PIGU: variants seen among roughly 807,000 people sequenced by gnomAD.
The protein encoded by PIGU is phosphatidylinositol glycan anchor biosynthesis class U.
Under a neutral mutation model 49.9 loss-of-function variants are expected in PIGU, and 24 were observed. The observed-to-expected ratio is 0.48, with a 90% CI of 0.35 to 0.68. The LOEUF (loss-of-function observed/expected upper bound fraction) is 0.68, where lower values mean the gene tolerates loss of function less well. PIGU is among the 30% of genes least tolerant of loss of function. The pLI is 0.01. For missense variants in PIGU, 490 were observed against 532.6 expected, an observed-to-expected ratio of 0.92 and a Z score of 0.79; for synonymous variants, 220 against 205.7, an observed-to-expected ratio of 1.07 and a Z score of -0.59.
intron 2 of PIGU, among the ~76,000 whole-genome samples, chr20:34,645,769 C>T (rs760469479): frequency 1.2e-4 from 18 of 152,008 alleles, no homozygotes; most frequent in East Asian, 7.7e-4. Context: ...TGGTGGCGGG[C>T]GCCTGTAGTC....
chr20:34,629,802 T>C (rs1293179070), intron 6 of PIGU, among the ~76,000 whole-genome samples: 1 of 152,210 alleles, frequency 6.6e-6, no homozygotes, highest in East Asian at 1.9e-4. Context: ...ATTGATCACA[T>C]GTGTTTATCA....
chr20:34,564,914 C>T (rs963400591), intron 11 of PIGU, among the ~76,000 whole-genome samples: 1 of 152,240 alleles, frequency 6.6e-6, no homozygotes, highest in Admixed American at 6.5e-5. Context: ...CCTGAGTGAG[C>T]ACCCTGCCCC....
chr20:34,605,248 T>C (rs192224873), intron 7 of PIGU, among the ~76,000 whole-genome samples: 4 of 152,328 alleles, frequency 2.6e-5, no homozygotes, highest in Non-Finnish European at 4.4e-5. Flanking sequence ...ACCATTCTCA[T>C]AAGTGATTCA....
At chr20:34,567,311 A>C (rs1982814829) in intron 11 of PIGU, among the ~76,000 whole-genome samples, 4 of 151,976 alleles carry the variant, frequency 2.6e-5, no homozygotes, top group Admixed American at 2.6e-4. Context: ...AGAAAACTCC[A>C]CCCTCCAGCT....
At chr20:34,580,015 A>G (rs1983395075) in intron 10 of PIGU, among the ~76,000 whole-genome samples, 1 of 152,208 alleles carries the variant, frequency 6.6e-6, no homozygotes, top group Admixed American at 6.5e-5. Flanking sequence ...AGAAAGGTTA[A>G]ATGATGTGCC....
intron 7 of PIGU, among the ~76,000 whole-genome samples, chr20:34,603,174 T>C (rs1984494514): frequency 6.6e-6 from 1 of 152,200 alleles, no homozygotes; most frequent in Non-Finnish European, 1.5e-5. Flanking sequence ...ATCCAGAGGC[T>C]TGATCAATTT....
intron 2 of PIGU, among the ~76,000 whole-genome samples, chr20:34,647,876 C>T (rs1986409424): frequency 6.6e-6 from 1 of 152,110 alleles, no homozygotes; most frequent in African/African-American, 2.4e-5. Flanking sequence ...GCTCAGTTTG[C>T]TAATGATTTG....
At chr20:34,586,442 G>A (rs1054823759) in intron 8 of PIGU, among the ~76,000 whole-genome samples, 1 of 152,106 alleles carries the variant, frequency 6.6e-6, no homozygotes, top group Non-Finnish European at 1.5e-5. Flanking sequence ...ACCTGGCACC[G>A]CAACTCCTAT....
At chr20:34,665,719 G>T (rs946647795) in intron 1 of PIGU, among the ~76,000 whole-genome samples, 4 of 152,008 alleles carry the variant, frequency 2.6e-5, no homozygotes, top group African/African-American at 9.7e-5. Flanking sequence ...TGGTGCACAC[G>T]ATTAAAAACT....
At chr20:34,645,475 C>A in intron 2 of PIGU, 141 bp from the exon 3 acceptor site, 1 of 1,201,824 alleles carries the variant, frequency 8.3e-7, no homozygotes. Flanking sequence ...CTGTTCTACG[C>A]CAGCTGGCCG....
chr20:34,562,701 AGATCACTGATGAGCACGAGATTGG>A, intron 11 of PIGU: 1 of 583,092 alleles, frequency 1.7e-6, no homozygotes, highest in East Asian at 6.8e-5. Flanking sequence ...CCTGGGGCCC[AGATCACTGATGAGCACGAGATTGG>A]TCACAGCGTC....
intron 1 of PIGU, among the ~76,000 whole-genome samples, chr20:34,664,242 C>T (rs908401363): frequency 3.3e-5 from 5 of 152,152 alleles, no homozygotes; most frequent in Non-Finnish European, 5.9e-5. Context: ...CCTCAACCTT[C>T]CAGGCTCAAG....
chr20:34,566,581 G>C (rs1982776861), intron 11 of PIGU, among the ~76,000 whole-genome samples: 1 of 152,140 alleles, frequency 6.6e-6, no homozygotes. Context: ...AATATCTTCT[G>C]AGTGTCTGCC....
chr20:34,589,153 G>C (rs1411463560), intron 7 of PIGU, among the ~76,000 whole-genome samples: 1 of 146,188 alleles, frequency 6.8e-6, no homozygotes, highest in Non-Finnish European at 1.5e-5. Context: ...ACACACATCT[G>C]TAAGTTTCAT....
rs1205128943 is a variant in PIGU at position 34,634,619 on chromosome 20, T to C, written c.525A>G (p.Ile175Met). 1.2e-6 allele frequency: 2 copies of C among 1,612,628 alleles called. No individual in the cohort carries two copies. Among genetic ancestry groups the C allele is most frequent in the African/African-American group, 1.3e-5 (1 of 74,998 alleles). Residue 175 changes from isoleucine (I) to methionine (M), a missense_variant, in exon 6 of 12, where the codon ATA (isoleucine) becomes ATG (methionine). Transcript: ENST00000217446. The part of the protein sequence containing the change: ...TLIAFFILTT[I>M]KGSAFLSAIF... ...ACTCTCCTTTCAGGGCCTTACCTTT[T>C]ATCGTAGTCAAAATGAAGAAAGCAA...
chr20:34,602,633 G>GA (rs1187853693), intron 7 of PIGU, among the ~76,000 whole-genome samples: 5 of 152,144 alleles, frequency 3.3e-5, no homozygotes, highest in African/African-American at 1.2e-4. Flanking sequence ...ATGTATGTAT[G>GA]TAAGTAGAAG....
In PIGU at chr20:34,666,464, G is replaced by A. The variant is rs79416190; in HGVS notation, c.131-9220C>T. 8.7e-3 allele frequency among the ~76,000 whole-genome samples: 1,231 copies of A among 140,770 alleles called. 24 individuals carry two copies. Among genetic ancestry groups the A allele is most frequent in the African/African-American group, 0.033 (1,190 of 36,250 alleles). 92.4% of individuals were successfully genotyped at this position (140,770 alleles called of 152,430 possible). On this transcript the variant is annotated intron_variant, in intron 1 of 11. Coordinates refer to ENST00000217446, the MANE Select transcript of PIGU (RefSeq NM_080476.5). The stretch of plus-strand genomic sequence containing the variant: ...GTAAAATGTAAGTTTTTTTTTTTTT[G>A]ATAAAGACTCTCAACTCTTAACTGA...
intron 4 of PIGU, among the ~76,000 whole-genome samples, chr20:34,643,251 T>TG (rs1358547055): frequency 9.2e-5 from 14 of 152,104 alleles, no homozygotes; most frequent in African/African-American, 3.4e-4. Context: ...CACACACACA[T>TG]ATAATTCTCC....
intron 7 of PIGU, among the ~76,000 whole-genome samples, chr20:34,605,604 T>A (rs563882683): frequency 6.6e-6 from 1 of 152,348 alleles, no homozygotes; most frequent in East Asian, 1.9e-4. Context: ...CAGTAGGTAC[T>A]ATTATATTAT....
Sources: allele counts gnomAD v4.1 joint callset (sites outside exome capture counted in the v4.1 genomes callset), GRCh38; gene constraint gnomAD v4.1.1; transcripts MANE v1.5; gene names NCBI Gene and HGNC (gene_info 2026-07-23, HGNC 2026-07-21).